Variants in DGKH observed in about 807,000 individuals in gnomAD.
The protein encoded by DGKH is DAG kinase eta.
A neutral mutation model predicts 159.3 loss-of-function variants in DGKH; 90 were observed. That is an observed-to-expected ratio of 0.57 (90% CI 0.48 to 0.67). DGKH has a LOEUF of 0.67. Among genes scored for constraint, DGKH ranks in the 30% least tolerant of loss-of-function variants. DGKH has a pLI of 0.00. For missense variants in DGKH, 1,181 were observed against 1,506.1 expected (o/e 0.78, Z 3.57); for synonymous variants, 536 against 553.8 (o/e 0.97, Z 0.45).
At chr13:42,177,024 AGT>A (rs1193800074) in intron 12 of DGKH, among the ~76,000 whole-genome samples, 1 of 152,242 alleles carries the variant, frequency 6.6e-6, no homozygotes, top group African/African-American at 2.4e-5. Flanking sequence ...ATTATATGAA[AGT>A]GTATTCAGCA....
chr13:42,074,566 G>C (rs558930899), intron 1 of DGKH, among the ~76,000 whole-genome samples: 2 of 152,106 alleles, frequency 1.3e-5, no homozygotes, highest in Non-Finnish European at 2.9e-5. Flanking sequence ...CCCTACCTTG[G>C]CATACAGGCT....
intron 1 of DGKH, among the ~76,000 whole-genome samples, chr13:42,091,590 G>A (rs892474189): frequency 1.3e-5 from 2 of 152,016 alleles, no homozygotes; most frequent in Non-Finnish European, 2.9e-5. Context: ...GTATTACATC[G>A]AGCTACAAAG....
chr13:42,250,779 G>T (rs1010460888), intron 29 of DGKH, among the ~76,000 whole-genome samples: 1 of 152,160 alleles, frequency 6.6e-6, no homozygotes, highest in Admixed American at 6.5e-5. Flanking sequence ...ATAAAAGGTT[G>T]TTCAGCCTAA....
chr13:42,169,695 G>C (rs1956399137), intron 11 of DGKH, among the ~76,000 whole-genome samples: 1 of 152,064 alleles, frequency 6.6e-6, no homozygotes, highest in African/African-American at 2.4e-5. Context: ...CTCTAAGATG[G>C]GCTATAACCT....
chr13:42,142,647 T>G (rs1955597594), intron 3 of DGKH, among the ~76,000 whole-genome samples: 1 of 152,136 alleles, frequency 6.6e-6, no homozygotes, highest in Admixed American at 6.5e-5. Context: ...TATTTTATTC[T>G]TTTTGAAGCA....
intron 29 of DGKH, among the ~76,000 whole-genome samples, chr13:42,250,672 C>T (rs1042245495): frequency 6.6e-6 from 1 of 152,146 alleles, no homozygotes; most frequent in Non-Finnish European, 1.5e-5. Flanking sequence ...CAATACATAT[C>T]CCTGCGGCAC....
At chr13:42,083,582 T>TG (rs1954249699) in intron 1 of DGKH, among the ~76,000 whole-genome samples, 1 of 152,168 alleles carries the variant, frequency 6.6e-6, no homozygotes, top group South Asian at 2.1e-4. Context: ...TTCCCTGCCC[T>TG]GGGGTATAGC....
chr13:42,199,749 G>A, intron 19 of DGKH, 64 bp from the exon 20 acceptor site: 1 of 1,562,542 alleles, frequency 6.4e-7, no homozygotes, highest in Non-Finnish European at 8.7e-7. Flanking sequence ...CTTTTTGCTT[G>A]CTCTGCCTTT....
At chr13:42,181,695 C>A (rs921440421) in intron 13 of DGKH, 2 of 477,170 alleles carry the variant, frequency 4.2e-6, no homozygotes, top group Admixed American at 2.4e-5. Context: ...TGATAGTTGA[C>A]CCAGTATATG....
chr13:42,089,972 C>A (rs1020733727), intron 1 of DGKH, among the ~76,000 whole-genome samples: 2 of 152,084 alleles, frequency 1.3e-5, no homozygotes, highest in African/African-American at 4.8e-5. Flanking sequence ...TTGGAAAATT[C>A]TCACATATTT....
At chr13:42,087,083 A>ATATATATATTTTTT (rs1954320920) in intron 1 of DGKH, among the ~76,000 whole-genome samples, 1 of 143,846 alleles carries the variant, frequency 7.0e-6, no homozygotes, top group Non-Finnish European at 1.5e-5. Flanking sequence ...ACACACACAC[A>ATATATATATTTTTT]CCTCAGAACA....
At chr13:42,041,311 C>A (rs147987451) in intron 1 of DGKH, among the ~76,000 whole-genome samples, 2 of 152,130 alleles carry the variant, frequency 1.3e-5, no homozygotes, top group East Asian at 3.9e-4. Flanking sequence ...CTGTCGAGAC[C>A]GCGCCCTGGT....
chr13:42,217,293 G>A (rs901646929), intron 26 of DGKH, among the ~76,000 whole-genome samples: 3 of 152,044 alleles, frequency 2.0e-5, no homozygotes, highest in Non-Finnish European at 4.4e-5. Context: ...GCACTCTGTC[G>A]CAGTAGCGTG....
chr13:42,080,450 T>C (rs920347613), intron 1 of DGKH, among the ~76,000 whole-genome samples: 2 of 152,194 alleles, frequency 1.3e-5, no homozygotes, highest in African/African-American at 4.8e-5. Flanking sequence ...TATAAGCTCA[T>C]ACCTAGGCCG....
At chr13:42,203,687 G>A (rs1407351880) in intron 20 of DGKH, among the ~76,000 whole-genome samples, 2 of 152,114 alleles carry the variant, frequency 1.3e-5, no homozygotes, top group Non-Finnish European at 2.9e-5. Flanking sequence ...TGGCTAGGGA[G>A]CCAGCTCTGG....
chr13:42,206,012 C>CTTTTT, intron 20 of DGKH, 27 bp from the exon 21 acceptor site: 6 of 1,130,992 alleles, frequency 5.3e-6, no homozygotes, highest in Non-Finnish European at 5.7e-6. Context: ...CTAATCTCTA[C>CTTTTT]TTTTTTTTTT....
Position 42,162,181 on chromosome 13 carries a change from A to G in DGKH, c.855+2045A>G, listed in dbSNP as rs78775651. On this transcript the variant is annotated intron_variant, in intron 7 of 29. Transcript: ENST00000337343. ...CTTAGTCTTGCACTTCCTATACACA[A>G]CCATTTGCCTGTTTACATATTATTT... 1.8e-3 allele frequency among the ~76,000 whole-genome samples: 273 copies of G among 152,176 alleles called. 4 individuals carry two copies. The East Asian group carries it at 0.044, about 24-fold the overall frequency.
chr13:42,137,331 T>C (rs1462497575), intron 3 of DGKH, among the ~76,000 whole-genome samples: 1 of 152,246 alleles, frequency 6.6e-6, no homozygotes, highest in Non-Finnish European at 1.5e-5. Flanking sequence ...TTGATATTTG[T>C]TGTAACTGTT....
chr13:42,103,487 C>T (rs1404959614), intron 1 of DGKH, among the ~76,000 whole-genome samples: 1 of 152,218 alleles, frequency 6.6e-6, no homozygotes, highest in Non-Finnish European at 1.5e-5. Context: ...TGACTCACTT[C>T]CCTCTGCGAT....
Sources: allele counts gnomAD v4.1 joint callset (sites outside exome capture counted in the v4.1 genomes callset), GRCh38; gene constraint gnomAD v4.1.1; transcripts MANE v1.5; gene names NCBI Gene and HGNC (gene_info 2026-07-23, HGNC 2026-07-21).